The following PPIL6 variants were observed in gnomAD, a reference collection of about 807,000 sequenced individuals.
PPIL6 encodes the protein probable inactive peptidyl-prolyl cis-trans isomerase-like 6.
A neutral mutation model predicts 36.8 loss-of-function variants in PPIL6; 39 were observed. The observed-to-expected ratio is 1.06, with a 90% CI of 0.82 to 1.38. PPIL6 has a LOEUF of 1.38. PPIL6 is among the 40% of genes most tolerant of loss of function. The pLI is 0.00. For missense variants in PPIL6, 368 were observed against 379.1 expected, an observed-to-expected ratio of 0.97 and a Z score of 0.24; for synonymous variants, 123 against 134.1, an observed-to-expected ratio of 0.92 and a Z score of 0.57.
intron 6 of PPIL6, among the ~76,000 whole-genome samples, chr6:109,415,019 G>A (rs1434545816): frequency 6.6e-6 from 1 of 152,136 alleles, no homozygotes; most frequent in South Asian, 2.1e-4. Flanking sequence ...AGTGGAAGTG[G>A]ATCATCATAA....
At position 109,392,938 on chromosome 6, in the gene PPIL6, C is replaced by A; in HGVS notation, c.825-1G>T. The stretch of plus-strand genomic sequence containing the variant: ...CACTTCTGTTCCTTCAATCAGTTGC[C>A]TACATAGGAGAAAAAAATGGAAAAT... On this transcript the variant is annotated splice_acceptor_variant, in intron 7 of 7. Transcript: ENST00000521072. LOFTEE classifies it high-confidence loss of function. The A allele has an allele frequency of 6.4e-7, 1 of 1,574,418 alleles. No individual in the cohort carries two copies. The highest frequency in any genetic ancestry group is 1.4e-5 in the African/African-American group (1 of 73,072).
At chr6:109,426,718 T>G in intron 5 of PPIL6, 129 bp downstream of exon 5, 1 of 564,486 alleles carries the variant, frequency 1.8e-6, no homozygotes, top group Non-Finnish European at 2.9e-6. Flanking sequence ...TTTGGCTATA[T>G]AAAGCATTCT....
chr6:109,407,554 A>C (rs1220919646), intron 6 of PPIL6, among the ~76,000 whole-genome samples: 1 of 152,088 alleles, frequency 6.6e-6, no homozygotes, highest in Admixed American at 6.5e-5. Flanking sequence ...TATTCTTATT[A>C]GCCTCTATTA....
chr6:109,402,081 A>G (rs1254444509), intron 6 of PPIL6, among the ~76,000 whole-genome samples: 2 of 152,084 alleles, frequency 1.3e-5, no homozygotes, highest in Non-Finnish European at 2.9e-5. Flanking sequence ...ATTCTGATTT[A>G]TTTTTCTTAA....
intron 1 of PPIL6, among the ~76,000 whole-genome samples, chr6:109,438,352 G>A (rs747853167): frequency 7.9e-5 from 12 of 151,756 alleles, no homozygotes; most frequent in South Asian, 4.2e-4. Flanking sequence ...AGGTCGAGGA[G>A]GATTGCTTGA....
intron 7 of PPIL6, among the ~76,000 whole-genome samples, chr6:109,397,625 A>G (rs570956147): frequency 2.0e-5 from 3 of 152,304 alleles, no homozygotes; most frequent in South Asian, 4.1e-4. Flanking sequence ...AAACAGCAGA[A>G]GTGAAGGCTG....
At chr6:109,408,734 CG>C (rs1562260144) in intron 6 of PPIL6, among the ~76,000 whole-genome samples, 1 of 152,096 alleles carries the variant, frequency 6.6e-6, no homozygotes, top group African/African-American at 2.4e-5. Context: ...CTTAGAGATA[CG>C]TATCATCTAA....
chr6:109,405,803 A>G (rs1772775110), intron 6 of PPIL6, among the ~76,000 whole-genome samples: 1 of 152,020 alleles, frequency 6.6e-6, no homozygotes, highest in Admixed American at 6.6e-5. Flanking sequence ...TCCTTCCGCC[A>G]CTTCAAAATT....
chr6:109,432,223 T>G (rs1206599998), intron 2 of PPIL6, among the ~76,000 whole-genome samples: 1 of 152,168 alleles, frequency 6.6e-6, no homozygotes, highest in Non-Finnish European at 1.5e-5. Flanking sequence ...TTTTGGGTAG[T>G]GTGGGGCTTA....
intron 7 of PPIL6, among the ~76,000 whole-genome samples, chr6:109,398,635 CTAA>C (rs1772397941): frequency 1.3e-5 from 2 of 152,136 alleles, no homozygotes; most frequent in African/African-American, 4.8e-5. Context: ...AAGCATCTTG[CTAA>C]TAATATTCTA....
At position 109,435,448 on chromosome 6, in the gene PPIL6, C is replaced by T. The variant is rs568391870; in HGVS notation, c.231+656G>A. ...AAGTAGCTGGGATTATAGGCACGCG[C>T]CACCATGCCCAGCTAATTTTTGTAT... On this transcript the variant is annotated intron_variant, in intron 2 of 7. Transcript: ENST00000521072. Among the ~76,000 whole-genome samples the T allele has an allele frequency of 8.5e-5, 13 of 152,150 alleles. No homozygotes were observed. In the South Asian group the frequency reaches 2.7e-3, roughly 32 times the overall value.
chr6:109,399,185 G>C (rs1004996808), intron 7 of PPIL6, among the ~76,000 whole-genome samples: 4 of 152,248 alleles, frequency 2.6e-5, no homozygotes, highest in Middle Eastern at 3.4e-3. Context: ...TCGGCTCACT[G>C]CAACCTCTGC....
intron 1 of PPIL6, chr6:109,440,093 C>T: frequency 3.1e-6 from 1 of 326,986 alleles, no homozygotes; most frequent in South Asian, 2.2e-5. Flanking sequence ...AATCATTTTT[C>T]CATAAATTTA....
In PPIL6 at chr6:109,399,097, TA is replaced by T. The variant is rs1554218651; in HGVS notation, c.824+937del. ...CACACCACCACACCCAGCTAATTTT[TA>T]TTTATTTATTTATTTATTTATTTAT... On this transcript the variant is annotated intron_variant, in intron 7 of 7. Coordinates refer to ENST00000521072, the MANE Select transcript of PPIL6 (RefSeq NM_173672.5). Among the ~76,000 whole-genome samples, 17 of 77,126 alleles carry T rather than the reference TA, an allele frequency of 2.2e-4. No individual in the cohort carries two copies. The Admixed American group carries it at 2.3e-3, about 11-fold the overall frequency. The allele number at this position is 77,126 out of a possible 152,430, so 50.6% of individuals were successfully genotyped here.
intron 1 of PPIL6, among the ~76,000 whole-genome samples, chr6:109,439,400 AGGCTGGAGGGCAAT>A: frequency 6.6e-6 from 1 of 152,332 alleles, no homozygotes; most frequent in East Asian, 1.9e-4. Flanking sequence ...TCTGTCGCCC[AGGCTGGAGGGCAAT>A]GGCGCGATCT....
At chr6:109,408,462 AT>A (rs1159084034) in intron 6 of PPIL6, among the ~76,000 whole-genome samples, 1 of 152,162 alleles carries the variant, frequency 6.6e-6, no homozygotes, top group Non-Finnish European at 1.5e-5. Context: ...AGGTATAAAC[AT>A]TTTCACTTGA....
chr6:109,415,178 A>G (rs1773193448), intron 6 of PPIL6, among the ~76,000 whole-genome samples: 1 of 152,198 alleles, frequency 6.6e-6, no homozygotes, highest in African/African-American at 2.4e-5. Flanking sequence ...CTTTACGGAA[A>G]TACATTATAA....
intron 1 of PPIL6, among the ~76,000 whole-genome samples, chr6:109,437,033 C>T (rs2115297408): frequency 6.6e-6 from 1 of 152,242 alleles, no homozygotes; most frequent in South Asian, 2.1e-4. Context: ...GGTTATACCC[C>T]TTAGGAAAAA....
At chr6:109,430,084 T>C (rs568590441) in intron 3 of PPIL6, among the ~76,000 whole-genome samples, 1 of 152,352 alleles carries the variant, frequency 6.6e-6, no homozygotes, top group African/African-American at 2.4e-5. Flanking sequence ...GCACTGTTTA[T>C]TCAATCAAAC....
Sources: gnomAD v4.1 joint callset for allele counts (sites outside exome capture counted in the v4.1 genomes callset) on GRCh38, gnomAD v4.1.1 for gene constraint, MANE v1.5 for transcripts, NCBI Gene and HGNC (gene_info 2026-07-23, HGNC 2026-07-21) for gene names.